Variants in CAB39 observed in about 807,000 individuals in gnomAD.
CAB39 encodes calcium-binding protein 39.
CAB39 carries 8 observed loss-of-function variants against 40.0 expected under a neutral mutation model. The ratio of observed to expected loss-of-function variants is 0.20; its 90% CI spans 0.12 to 0.36. The LOEUF (loss-of-function observed/expected upper bound fraction) is 0.36, where lower values mean the gene tolerates loss of function less well. Ranked by LOEUF, CAB39 falls within the 10% of genes least tolerant of loss-of-function variation. The pLI is 1.00. For missense variants in CAB39, 270 were observed against 401.1 expected, an observed-to-expected ratio of 0.67 and a Z score of 2.79; for synonymous variants, 156 against 141.6, an observed-to-expected ratio of 1.10 and a Z score of -0.72.
intron 5 of CAB39, among the ~76,000 whole-genome samples, chr2:230,806,586 G>T (rs1696198503): frequency 6.6e-6 from 1 of 152,196 alleles, no homozygotes; most frequent in Non-Finnish European, 1.5e-5. Context: ...GAAGTATTTA[G>T]CCTGGAGAAG....
intron 1 of CAB39, among the ~76,000 whole-genome samples, chr2:230,717,106 A>G (rs1167351183): frequency 6.6e-6 from 1 of 152,188 alleles, no homozygotes; most frequent in Non-Finnish European, 1.5e-5. Context: ...TTTACATGTT[A>G]CAGAAATGGG....
chr2:230,724,719 A>AC (rs1187328058), intron 1 of CAB39, among the ~76,000 whole-genome samples: 412 of 151,070 alleles, frequency 2.7e-3, no homozygotes, highest in African/African-American at 9.3e-3. Context: ...AAAAAAAAAA[A>AC]AAACCTCTAT....
intron 2 of CAB39, among the ~76,000 whole-genome samples, chr2:230,777,707 C>A (rs1279828532): frequency 6.6e-6 from 1 of 152,084 alleles, no homozygotes; most frequent in African/African-American, 2.4e-5. Context: ...CCACCCCTGG[C>A]CCTCAATTAT....
At chr2:230,773,298 G>GTGTA (rs759059088) in intron 2 of CAB39, among the ~76,000 whole-genome samples, 8 of 127,866 alleles carry the variant, frequency 6.3e-5, no homozygotes, top group African/African-American at 1.6e-4. Flanking sequence ...GGGTGTATGT[G>GTGTA]TATATATATA....
At chr2:230,798,013 C>T (rs1235554209) in intron 4 of CAB39, among the ~76,000 whole-genome samples, 4 of 152,212 alleles carry the variant, frequency 2.6e-5, no homozygotes, top group Admixed American at 2.0e-4. Context: ...GGCTTGTGCA[C>T]ATCTGAAGGG....
intron 4 of CAB39, among the ~76,000 whole-genome samples, chr2:230,798,090 G>GC (rs1278980774): frequency 6.6e-6 from 1 of 152,118 alleles, no homozygotes; most frequent in Non-Finnish European, 1.5e-5. Flanking sequence ...CAGAGACATG[G>GC]AGATGAGCAT....
At chr2:230,774,883 G>T (rs1695559024) in intron 2 of CAB39, among the ~76,000 whole-genome samples, 1 of 152,102 alleles carries the variant, frequency 6.6e-6, no homozygotes, top group African/African-American at 2.4e-5. Context: ...GTTGGGGGAG[G>T]TAGAAAGCAT....
chr2:230,733,220 C>T (rs750673743), intron 1 of CAB39, among the ~76,000 whole-genome samples: 2 of 152,138 alleles, frequency 1.3e-5, no homozygotes, highest in African/African-American at 2.4e-5. Flanking sequence ...ATCGTGCCCC[C>T]CTTCATTCTC....
intron 7 of CAB39, 138 bp from the exon 8 acceptor site, chr2:230,817,616 G>A (rs1696424931): frequency 3.3e-6 from 2 of 608,788 alleles, no homozygotes. Context: ...CTTTTAGGTT[G>A]TAATTCAGTT....
At chr2:230,770,023 T>C (rs1196886060) in intron 2 of CAB39, among the ~76,000 whole-genome samples, 6 of 152,096 alleles carry the variant, frequency 3.9e-5, no homozygotes, top group Non-Finnish European at 7.3e-5. Context: ...GGGATGCTGC[T>C]AAGCTTTACT....
rs1380279435 is a variant in CAB39 at position 230,713,051 on chromosome 2, C to T, written c.-223C>T. ...GGGAGCCCCTGGGCAGCCGTCCGCC[C>T]GCGCAGCCGCCGCCGCCGCGGGAGC... On this transcript the variant is annotated 5_prime_UTR_variant, in exon 1 of 9. Coordinates refer to ENST00000258418, the MANE Select transcript of CAB39 (RefSeq NM_016289.4). 6.6e-6 allele frequency: 1 copy of T among 150,924 alleles called. No homozygotes were observed. The highest frequency in any genetic ancestry group is 1.5e-5 in the Non-Finnish European group (1 of 67,636). The allele number at this position is 150,924 out of a possible 1,614,324, so 9.3% of individuals were successfully genotyped here.
intron 2 of CAB39, among the ~76,000 whole-genome samples, chr2:230,776,607 C>T (rs1196441220): frequency 6.6e-6 from 1 of 152,230 alleles, no homozygotes; most frequent in African/African-American, 2.4e-5. Flanking sequence ...GAGATCCACA[C>T]AAGTGGTTGT....
intron 1 of CAB39, among the ~76,000 whole-genome samples, chr2:230,740,812 C>G (rs941189564): frequency 7.2e-5 from 11 of 152,276 alleles, no homozygotes; most frequent in African/African-American, 2.4e-4. Context: ...CTCCACAGCC[C>G]GGGGGCTGGG....
At chr2:230,816,442 T>A (rs944271003) in intron 7 of CAB39, among the ~76,000 whole-genome samples, 1 of 152,236 alleles carries the variant, frequency 6.6e-6, no homozygotes, top group Non-Finnish European at 1.5e-5. Flanking sequence ...TTCACATTGA[T>A]ATGAAGCCTA....
chr2:230,722,859 C>T (rs906648292), intron 1 of CAB39, among the ~76,000 whole-genome samples: 1 of 152,056 alleles, frequency 6.6e-6, no homozygotes, highest in Non-Finnish European at 1.5e-5. Flanking sequence ...TGATCTCAGC[C>T]CTCTGAAATA....
chr2:230,808,076 C>CT (rs1553678088), intron 5 of CAB39, among the ~76,000 whole-genome samples: 58 of 110,814 alleles, frequency 5.2e-4, no homozygotes, highest in East Asian at 1.5e-3. Context: ...CTTTTCTTTT[C>CT]TTTTTTTTTT....
intron 1 of CAB39, among the ~76,000 whole-genome samples, chr2:230,727,652 G>A (rs987856909): frequency 5.3e-5 from 8 of 151,880 alleles, no homozygotes; most frequent in African/African-American, 1.9e-4. Flanking sequence ...GGGCTCCAGT[G>A]ATCCATTTGC....
intron 2 of CAB39, among the ~76,000 whole-genome samples, chr2:230,778,787 C>G (rs1401447257): frequency 6.6e-6 from 1 of 152,154 alleles, no homozygotes; most frequent in African/African-American, 2.4e-5. Flanking sequence ...GCCTGTTGCT[C>G]CTAGGCTACA....
chr2:230,729,650 G>T (rs1694651745), intron 1 of CAB39, among the ~76,000 whole-genome samples: 1 of 151,990 alleles, frequency 6.6e-6, no homozygotes, highest in Non-Finnish European at 1.5e-5. Flanking sequence ...CTACTCAGGA[G>T]GCTGAGGCAG....
Sources: gnomAD v4.1 joint callset for allele counts (sites outside exome capture counted in the v4.1 genomes callset) on GRCh38, gnomAD v4.1.1 for gene constraint, MANE v1.5 for transcripts, NCBI Gene and HGNC (gene_info 2026-07-23, HGNC 2026-07-21) for gene names.